The following ITGB5 variants were observed in gnomAD, a reference collection of about 807,000 sequenced individuals.
ITGB5 encodes the protein integrin subunit beta 5, also known as integrin beta-5.
ITGB5 carries 38 observed loss-of-function variants against 84.8 expected under a neutral mutation model. The ratio of observed to expected loss-of-function variants is 0.45; its 90% CI spans 0.35 to 0.59. The LOEUF (loss-of-function observed/expected upper bound fraction) is 0.59. Ranked by LOEUF, ITGB5 falls within the 20% of genes least tolerant of loss-of-function variation. ITGB5 has a pLI of 0.01. For missense variants in ITGB5, 905 were observed against 1,034.5 expected (o/e 0.87, Z 1.72); for synonymous variants, 393 against 414.4 (o/e 0.95, Z 0.63).
At chr3:124,813,943 C>A (rs2064544581) in intron 8 of ITGB5, among the ~76,000 whole-genome samples, 1 of 152,134 alleles carries the variant, frequency 6.6e-6, no homozygotes. Flanking sequence ...CTGAGGCTGT[C>A]CAGGAGCACC....
At chr3:124,875,460 G>C (rs1244911518) in intron 1 of ITGB5, among the ~76,000 whole-genome samples, 1 of 128,862 alleles carries the variant, frequency 7.8e-6, no homozygotes, top group Non-Finnish European at 1.6e-5. Flanking sequence ...CTGGGTGACA[G>C]AGCAAGACTC....
At chr3:124,853,839 C>A (rs1339247921) in intron 3 of ITGB5, among the ~76,000 whole-genome samples, 1 of 152,186 alleles carries the variant, frequency 6.6e-6, no homozygotes, top group African/African-American at 2.4e-5. Context: ...CTCTGTGTTA[C>A]TTTTGCAACT....
upstream of ITGB5, among the ~76,000 whole-genome samples, chr3:124,891,141 T>C (rs1324158306): frequency 6.6e-6 from 1 of 152,188 alleles, no homozygotes; most frequent in Non-Finnish European, 1.5e-5. Context: ...ATGTTTCTTA[T>C]TGTTAGTTTT....
intron 1 of ITGB5, among the ~76,000 whole-genome samples, chr3:124,898,225 T>C (rs956284003): frequency 6.6e-6 from 1 of 151,500 alleles, no homozygotes; most frequent in Non-Finnish European, 1.5e-5. Context: ...GGTCTTTTTT[T>C]TTTTTTAACT....
chr3:124,796,351 C>G, intron 10 of ITGB5, 37 bp downstream of exon 10: 1 of 1,557,148 alleles, frequency 6.4e-7, no homozygotes, highest in Non-Finnish European at 8.7e-7. Context: ...GCATCTTGGC[C>G]TGGCTCAGAG....
chr3:124,772,305 ATCTT>A (rs1191125727), intron 11 of ITGB5, among the ~76,000 whole-genome samples: 1 of 152,136 alleles, frequency 6.6e-6, no homozygotes, highest in Non-Finnish European at 1.5e-5. Flanking sequence ...AGCCCTGTCT[ATCTT>A]GTCTCTCCAT....
At chr3:124,800,847 T>C (rs1025312032) in intron 9 of ITGB5, among the ~76,000 whole-genome samples, 6 of 152,242 alleles carry the variant, frequency 3.9e-5, no homozygotes, top group African/African-American at 9.6e-5. Context: ...CAACTGATAC[T>C]GAAGGCTCCC....
chr3:124,767,547 A>C lies in ITGB5; in HGVS notation c.2018-1202T>G, dbSNP rs182470170. On this transcript the variant is annotated intron_variant, in intron 12 of 14. Coordinates refer to ENST00000296181, the MANE Select transcript of ITGB5 (RefSeq NM_002213.5). ...ACCAGTCCTTGGGCCACAGGAAGGC[A>C]TTGTTTCCTTCTCTGACCATGTGTG... is the stretch of plus-strand genomic sequence containing the variant. Among the ~76,000 whole-genome samples, 31 of 152,310 alleles carry C rather than the reference A, an allele frequency of 2.0e-4. No individual in the cohort carries two copies. In the East Asian group the frequency reaches 6.0e-3, roughly 29 times the overall value.
chr3:124,787,990 C>G (rs1006570277), intron 10 of ITGB5, among the ~76,000 whole-genome samples: 1 of 151,564 alleles, frequency 6.6e-6, no homozygotes, highest in Non-Finnish European at 1.5e-5. Context: ...TCACTGCAAC[C>G]TCCACCTTCT....
chr3:124,817,863 A>C (rs1203310839), intron 7 of ITGB5, among the ~76,000 whole-genome samples, 153 bp from the exon 8 acceptor site: 1 of 152,172 alleles, frequency 6.6e-6, no homozygotes, highest in East Asian at 1.9e-4. Flanking sequence ...CCCACAGGGA[A>C]AAGCAAGAAG....
chr3:124,794,518 C>T lies in ITGB5; in HGVS notation c.1693+1870G>A, dbSNP rs542689849. Among the ~76,000 whole-genome samples the T allele has an allele frequency of 9.9e-5, 15 of 152,270 alleles. No homozygotes were observed. The East Asian group carries it at 2.1e-3, about 22-fold the overall frequency. On this transcript the variant is annotated intron_variant, in intron 10 of 14. Transcript: ENST00000296181. ...AAGGTGGGCTGGGCGCAGTGGCTCA[C>T]ACCTGTAATCCCAGCACATTGGGAG...
At chr3:124,836,302 G>C (rs367860232) in intron 5 of ITGB5, among the ~76,000 whole-genome samples, 45 of 151,942 alleles carry the variant, frequency 3.0e-4, no homozygotes, top group African/African-American at 9.2e-4. Flanking sequence ...GATCACTTGA[G>C]CCCAGAAGTT....
Position 124,842,077 on chromosome 3 carries a change from A to C in ITGB5, c.612-526T>G, listed in dbSNP as rs553282143. 4.9e-4 allele frequency among the ~76,000 whole-genome samples: 74 copies of C among 152,388 alleles called. No individual in the cohort carries two copies. The Middle Eastern group carries it at 0.01, about 21-fold the overall frequency. ...AATCCACTCAGTGACCAGGATGTGCAGGCACATGGACAAATGCTGAATGGA... is the reference window on the plus strand; with the variant it reads ...AATCCACTCAGTGACCAGGATGTGCCGGCACATGGACAAATGCTGAATGGA... On this transcript the variant is annotated intron_variant, in intron 4 of 14. Coordinates refer to ENST00000296181, the MANE Select transcript of ITGB5 (RefSeq NM_002213.5).
chr3:124,839,205 G>C (rs774835165), intron 5 of ITGB5, among the ~76,000 whole-genome samples: 1 of 152,226 alleles, frequency 6.6e-6, no homozygotes, highest in African/African-American at 2.4e-5. Flanking sequence ...GAGGAATAAA[G>C]AGCAAATTTC....
intron 10 of ITGB5, among the ~76,000 whole-genome samples, chr3:124,774,369 G>T (rs1386672128): frequency 2.0e-5 from 3 of 152,152 alleles, no homozygotes; most frequent in Admixed American, 6.5e-5. Flanking sequence ...AATCACCAAG[G>T]TTCTTCTGAG....
intron 2 of ITGB5, among the ~76,000 whole-genome samples, chr3:124,860,782 C>G (rs956077185): frequency 6.6e-6 from 1 of 152,240 alleles, no homozygotes; most frequent in Non-Finnish European, 1.5e-5. Context: ...GTCAGCATCC[C>G]TTGACCACTT....
At chr3:124,865,089 A>T (rs544348161) in intron 2 of ITGB5, among the ~76,000 whole-genome samples, 3 of 152,342 alleles carry the variant, frequency 2.0e-5, no homozygotes, top group African/African-American at 7.2e-5. Context: ...CTTTGGGCCC[A>T]AAGCTTCCAT....
chr3:124,888,807 A>G (rs1398500178), upstream of ITGB5, among the ~76,000 whole-genome samples: 1 of 152,156 alleles, frequency 6.6e-6, no homozygotes, highest in Admixed American at 6.5e-5. Context: ...TGGAGGGCCC[A>G]GTGGAAAACT....
chr3:124,842,946 C>T (rs936423630), intron 4 of ITGB5, among the ~76,000 whole-genome samples: 2 of 152,146 alleles, frequency 1.3e-5, no homozygotes, highest in Admixed American at 6.5e-5. Flanking sequence ...AGCAACAGGC[C>T]CACCCTGCAC....
Sources: allele counts gnomAD v4.1 joint callset (sites outside exome capture counted in the v4.1 genomes callset), GRCh38; gene constraint gnomAD v4.1.1; transcripts MANE v1.5; gene names NCBI Gene and HGNC (gene_info 2026-07-23, HGNC 2026-07-21).